Variants in LRMDA observed in about 807,000 individuals in gnomAD.
LRMDA encodes the protein leucine rich melanocyte differentiation associated.
LRMDA carries 18 observed loss-of-function variants against 29.8 expected under a neutral mutation model. That is an observed-to-expected ratio of 0.60 (90% confidence interval 0.42 to 0.90). The LOEUF (loss-of-function observed/expected upper bound fraction) is 0.90, where lower values mean the gene tolerates loss of function less well. LRMDA is among the 40% of genes least tolerant of loss of function. LRMDA has a pLI of 0.00. For synonymous variants in LRMDA, 125 were observed against 109.4 expected, an observed-to-expected ratio of 1.14 and a Z score of -0.89; for missense variants, 273 against 273.9, an observed-to-expected ratio of 1.00 and a Z score of 0.02.
intron 2 of LRMDA, among the ~76,000 whole-genome samples, chr10:75,581,914 C>T (rs890499938): frequency 6.6e-6 from 1 of 152,036 alleles, no homozygotes; most frequent in Non-Finnish European, 1.5e-5. Context: ...GTACATGTAC[C>T]CCAGAAATTT....
chr10:75,765,030 A>C (rs1843145190), intron 2 of LRMDA, among the ~76,000 whole-genome samples: 1 of 151,932 alleles, frequency 6.6e-6, no homozygotes, highest in African/African-American at 2.4e-5. Flanking sequence ...ACCTCTGTAA[A>C]ATAAAGAAAA....
At position 76,557,299 on chromosome 10, in the gene LRMDA, T is replaced by C. The variant is rs1236601119; in HGVS notation, c.*11T>C. On this transcript the variant is annotated 3_prime_UTR_variant, in exon 7 of 7. Transcript: ENST00000611255. ...GATGACCAGCTCTGAAGCCAACTTC[T>C]GTATACCTTCACCCATTTCATGAAA... 1.4e-5 allele frequency: 22 copies of C among 1,596,822 alleles called. No individual in the cohort carries two copies. Among genetic ancestry groups the C allele is most frequent in the Non-Finnish European group, 1.8e-5 (21 of 1,164,276 alleles).
chr10:76,366,641 C>T (rs1386083784), intron 6 of LRMDA, among the ~76,000 whole-genome samples: 1 of 152,164 alleles, frequency 6.6e-6, no homozygotes, highest in Non-Finnish European at 1.5e-5. Context: ...ATCAGTTCTA[C>T]AAGTTTTCTG....
At chr10:76,228,167 A>G (rs1851995719) in intron 5 of LRMDA, among the ~76,000 whole-genome samples, 2 of 151,866 alleles carry the variant, frequency 1.3e-5, no homozygotes, top group South Asian at 4.2e-4. Flanking sequence ...GACTATAGGC[A>G]CACGCCACCA....
intron 5 of LRMDA, among the ~76,000 whole-genome samples, chr10:76,292,943 G>A (rs1203301178): frequency 6.6e-6 from 1 of 152,136 alleles, no homozygotes; most frequent in African/African-American, 2.4e-5. Context: ...TTGCAAATTT[G>A]CAAAATGGGG....
intron 2 of LRMDA, among the ~76,000 whole-genome samples, chr10:75,485,258 T>G (rs1004017148): frequency 2.8e-4 from 42 of 152,242 alleles, no homozygotes; most frequent in African/African-American, 9.4e-4. Flanking sequence ...ATCTTTTTGA[T>G]GTCTTTTAAT....
chr10:76,426,986 A>G (rs868093816), intron 6 of LRMDA, among the ~76,000 whole-genome samples: 4 of 152,280 alleles, frequency 2.6e-5, no homozygotes, highest in South Asian at 4.1e-4. Flanking sequence ...TACCAGTACC[A>G]TGCTGTTTTG....
At chr10:76,062,497 C>A (rs1268095578) in intron 5 of LRMDA, among the ~76,000 whole-genome samples, 2 of 152,160 alleles carry the variant, frequency 1.3e-5, no homozygotes, top group Non-Finnish European at 2.9e-5. Flanking sequence ...CACTCCCTTT[C>A]TCCCATGATG....
At chr10:76,490,943 T>G (rs1003789621) in intron 6 of LRMDA, among the ~76,000 whole-genome samples, 1 of 151,944 alleles carries the variant, frequency 6.6e-6, no homozygotes, top group Non-Finnish European at 1.5e-5. Flanking sequence ...TATTGTATAT[T>G]TTTTTATTTG....
intron 2 of LRMDA, among the ~76,000 whole-genome samples, chr10:75,521,324 A>G (rs569083819): frequency 6.6e-6 from 1 of 152,248 alleles, no homozygotes; most frequent in Admixed American, 6.5e-5. Flanking sequence ...GGTGGAGTCT[A>G]TAGAGGCAGT....
intron 2 of LRMDA, chr10:75,782,701 G>T: frequency 1.6e-6 from 2 of 1,251,138 alleles, no homozygotes; most frequent in Middle Eastern, 3.2e-4. Flanking sequence ...TCAACATAAA[G>T]CCAGGCACTT....
intron 2 of LRMDA, among the ~76,000 whole-genome samples, chr10:76,018,416 A>C (rs1262321669): frequency 6.6e-6 from 1 of 152,090 alleles, no homozygotes; most frequent in Admixed American, 6.5e-5. Context: ...AATCCCTTCA[A>C]ATCACCGTAG....
At chr10:76,132,472 A>AC (rs1394482885) in intron 5 of LRMDA, among the ~76,000 whole-genome samples, 1 of 152,152 alleles carries the variant, frequency 6.6e-6, no homozygotes, top group African/African-American at 2.4e-5. Context: ...CATACGAATG[A>AC]CCCTAAGGCA....
At chr10:76,535,606 C>T (rs1216081778) in intron 6 of LRMDA, among the ~76,000 whole-genome samples, 4 of 152,154 alleles carry the variant, frequency 2.6e-5, no homozygotes, top group African/African-American at 9.6e-5. Context: ...AAGCCTCTTC[C>T]TCCTAAATTA....
At chr10:75,841,713 G>C (rs186869625) in intron 2 of LRMDA, among the ~76,000 whole-genome samples, 177 of 152,264 alleles carry the variant, frequency 1.2e-3, no homozygotes, top group African/African-American at 4.0e-3. Flanking sequence ...GGTTGGCTTT[G>C]GCACTTTTTG....
intron 2 of LRMDA, among the ~76,000 whole-genome samples, chr10:75,483,868 T>TTTTTTTG (rs1844880345): frequency 2.3e-4 from 1 of 4,288 alleles, no homozygotes; most frequent in South Asian, 3.9e-3. Flanking sequence ...TATGGAGAGG[T>TTTTTTTG]TTTTTTTTTT....
chr10:76,486,140 T>C (rs1345813660), intron 6 of LRMDA, among the ~76,000 whole-genome samples: 1 of 151,958 alleles, frequency 6.6e-6, no homozygotes, highest in East Asian at 1.9e-4. Flanking sequence ...AAGTGACATT[T>C]TTAATACTAT....
At chr10:76,106,430 C>T (rs1293909115) in intron 5 of LRMDA, among the ~76,000 whole-genome samples, 1 of 152,188 alleles carries the variant, frequency 6.6e-6, no homozygotes, top group Non-Finnish European at 1.5e-5. Flanking sequence ...ATTGGTTCTT[C>T]AGGCAGTGGA....
chr10:75,751,771 C>T (rs369813117), intron 2 of LRMDA, among the ~76,000 whole-genome samples: 19 of 151,902 alleles, frequency 1.3e-4, no homozygotes, highest in East Asian at 3.9e-4. Flanking sequence ...ATACACGGCT[C>T]CTCTCATTAA....
Sources: gnomAD v4.1 joint callset for allele counts (sites outside exome capture counted in the v4.1 genomes callset) on GRCh38, gnomAD v4.1.1 for gene constraint, MANE v1.5 for transcripts, NCBI Gene and HGNC (gene_info 2026-07-23, HGNC 2026-07-21) for gene names.